Variants in DSE observed in about 807,000 individuals in gnomAD.
DSE encodes dermatan-sulfate epimerase.
DSE carries 36 observed loss-of-function variants against 84.4 expected under a neutral mutation model. That is an observed-to-expected ratio of 0.43 (90% CI 0.33 to 0.56). The LOEUF (loss-of-function observed/expected upper bound fraction) is 0.56, where lower values mean the gene tolerates loss of function less well. Among genes scored for constraint, DSE ranks in the 20% least tolerant of loss-of-function variants. The pLI is 0.06. For synonymous variants in DSE, 410 were observed against 430.1 expected (o/e 0.95, Z 0.58); for missense variants, 862 against 1,169.6 (o/e 0.74, Z 3.84).
intron 2 of DSE, among the ~76,000 whole-genome samples, chr6:116,351,065 G>C (rs1438459711): frequency 6.6e-6 from 1 of 152,152 alleles, no homozygotes; most frequent in Non-Finnish European, 1.5e-5. Context: ...TGCTATTATA[G>C]TTTGTTTTTA....
Position 116,436,664 on chromosome 6 carries a change from C to A in DSE, c.2196C>A (p.Val732=), listed in dbSNP as rs1458018081. ...ATTCAGCCATCAAGAGCAGCATTGTCCCTGAGGTGAAGGACTATGCTGCTA... is the reference window on the plus strand; with the variant it reads ...ATTCAGCCATCAAGAGCAGCATTGTACCTGAGGTGAAGGACTATGCTGCTA... ...DRNSAIKSSI[V]PEVKDYAAIV... is the part of the protein sequence containing the mutation. The change falls in exon 6 of 6, where the codon GTC becomes GTA. Residue 732 remains valine (V), a synonymous_variant. Coordinates refer to ENST00000644252, the MANE Select transcript of DSE (RefSeq NM_013352.4). The A allele has an allele frequency of 9.9e-6, 16 of 1,614,136 alleles. No homozygotes were observed. The highest frequency in any genetic ancestry group is 1.2e-5 in the Non-Finnish European group (14 of 1,180,016).
At chr6:116,310,479 A>G (rs1352155993) in intron 2 of DSE, among the ~76,000 whole-genome samples, 2 of 151,976 alleles carry the variant, frequency 1.3e-5, no homozygotes, top group African/African-American at 2.4e-5. Context: ...CCTTCTTGAC[A>G]TCTTCCCCTG....
intron 2 of DSE, chr6:116,400,275 A>C (rs1317345324): frequency 1.3e-5 from 2 of 152,296 alleles, no homozygotes; most frequent in Non-Finnish European, 2.9e-5. Context: ...ATTAGCTTAA[A>C]TTTATTTGAT....
At chr6:116,378,533 A>G (rs1437119821) in intron 1 of DSE, among the ~76,000 whole-genome samples, 1 of 152,174 alleles carries the variant, frequency 6.6e-6, no homozygotes, top group Non-Finnish European at 1.5e-5. Context: ...TGAGGTAAAC[A>G]TTGCAAAACT....
At chr6:116,344,348 T>G (rs551601395) in intron 2 of DSE, among the ~76,000 whole-genome samples, 12 of 152,196 alleles carry the variant, frequency 7.9e-5, no homozygotes, top group African/African-American at 2.6e-4. Flanking sequence ...TCACCAAAGT[T>G]GAAATGAAGG....
chr6:116,305,678 C>T (rs1775301092), intron 2 of DSE, among the ~76,000 whole-genome samples: 1 of 151,946 alleles, frequency 6.6e-6, no homozygotes, highest in African/African-American at 2.4e-5. Context: ...GCTCTTGTTG[C>T]CCAGGCTGGA....
chr6:116,379,850 A>C (rs1243504070), intron 1 of DSE, among the ~76,000 whole-genome samples: 1 of 152,176 alleles, frequency 6.6e-6, no homozygotes, highest in Admixed American at 6.6e-5. Flanking sequence ...TGCAAATTTC[A>C]GATTGTTGGA....
chr6:116,346,094 C>T (rs1438747284), intron 2 of DSE, among the ~76,000 whole-genome samples: 1 of 152,190 alleles, frequency 6.6e-6, no homozygotes, highest in Non-Finnish European at 1.5e-5. Context: ...CTGAATAGAT[C>T]AATAACAGGC....
In DSE at chr6:116,284,782, T is replaced by C. The variant is rs2114654328; in HGVS notation, c.-54+25815T>C. Reference sequence around the variant, plus strand: ...ATAATATGCAGTGTTTGGTTTTCTGTCCTTGCAATAGTTTGCTCAGAATGA... The same window carrying C: ...ATAATATGCAGTGTTTGGTTTTCTGCCCTTGCAATAGTTTGCTCAGAATGA... On this transcript the variant is annotated intron_variant, in intron 2 of 3. Coordinates refer to the DSE transcript ENST00000430252. Among the ~76,000 whole-genome samples, 2 of 151,710 alleles carry C rather than the reference T, an allele frequency of 1.3e-5. 1 individual carries two copies. Among genetic ancestry groups the C allele is most frequent in the South Asian group, 4.2e-4 (2 of 4,794 alleles).
At chr6:116,327,641 A>G (rs1270584751) in intron 2 of DSE, among the ~76,000 whole-genome samples, 1 of 152,204 alleles carries the variant, frequency 6.6e-6, no homozygotes, top group Non-Finnish European at 1.5e-5. Context: ...AGTATTATCC[A>G]TAATACTTGA....
At chr6:116,323,212 A>G (rs1233896149) in intron 2 of DSE, among the ~76,000 whole-genome samples, 2 of 152,210 alleles carry the variant, frequency 1.3e-5, no homozygotes, top group Non-Finnish European at 2.9e-5. Context: ...TTTTAAACAG[A>G]TTTCTTTAAA....
At chr6:116,316,334 A>G (rs942985381) in intron 2 of DSE, among the ~76,000 whole-genome samples, 1 of 152,048 alleles carries the variant, frequency 6.6e-6, no homozygotes, top group Non-Finnish European at 1.5e-5. Flanking sequence ...GCTGATTCTA[A>G]ATGTTAAGTA....
chr6:116,272,209 TG>T (rs1200579076), intron 2 of DSE, among the ~76,000 whole-genome samples: 1 of 152,224 alleles, frequency 6.6e-6, no homozygotes, highest in Non-Finnish European at 1.5e-5. Context: ...ACTCACTTGT[TG>T]GTGAACATTT....
At chr6:116,370,766 G>A (rs1254531284), upstream of DSE, 4 of 927,632 alleles carry the variant, frequency 4.3e-6, no homozygotes, top group South Asian at 9.9e-5. Context: ...AAAGCGGGGC[G>A]GGCCTGCGGT....
chr6:116,330,105 G>A (rs1412989227), intron 2 of DSE, among the ~76,000 whole-genome samples: 4 of 152,236 alleles, frequency 2.6e-5, no homozygotes, highest in Non-Finnish European at 5.9e-5. Flanking sequence ...GATTACAGGC[G>A]TGAGCCACTG....
upstream of DSE, chr6:116,370,482 T>C (rs371263057): frequency 3.5e-4 from 346 of 985,728 alleles, 3 homozygotes; most frequent in African/African-American, 5.4e-3. Flanking sequence ...CAGACTGGAG[T>C]GGGCACCAGT....
chr6:116,402,352 C>G (rs1056393846), intron 2 of DSE, among the ~76,000 whole-genome samples: 1 of 152,178 alleles, frequency 6.6e-6, no homozygotes, highest in African/African-American at 2.4e-5. Flanking sequence ...AGCTCCCTCA[C>G]TCTTCAGCTA....
chr6:116,417,587 A>G (rs1782797620), intron 2 of DSE, among the ~76,000 whole-genome samples: 1 of 152,168 alleles, frequency 6.6e-6, no homozygotes, highest in Admixed American at 6.5e-5. Flanking sequence ...ACAGCATTAA[A>G]ATGAAATTAA....
At chr6:116,333,164 C>T (rs1280807066) in intron 2 of DSE, among the ~76,000 whole-genome samples, 1 of 152,162 alleles carries the variant, frequency 6.6e-6, no homozygotes, top group African/African-American at 2.4e-5. Context: ...TCATGCATCC[C>T]AGTGGAAAGC....
Sources: allele counts gnomAD v4.1 joint callset (sites outside exome capture counted in the v4.1 genomes callset), GRCh38; gene constraint gnomAD v4.1.1; transcripts MANE v1.5; gene names NCBI Gene and HGNC (gene_info 2026-07-23, HGNC 2026-07-21).